The following HS3ST5 variants were observed in gnomAD, a reference collection of about 807,000 sequenced individuals.
The protein encoded by HS3ST5 is heparan sulfate-glucosamine 3-sulfotransferase 5, also known as heparan sulfate glucosamine 3-O-sulfotransferase 5.
A neutral mutation model predicts 25.4 loss-of-function variants in HS3ST5; 10 were observed. That is an observed-to-expected ratio of 0.39 (90% CI 0.24 to 0.67). The LOEUF is 0.67. HS3ST5 is among the 30% of genes least tolerant of loss of function. The probability of loss-of-function intolerance (pLI) is 0.44; values close to 1 mark genes in which losing one functional copy is unlikely to be tolerated. For synonymous variants in HS3ST5, 170 were observed against 162.4 expected (o/e 1.05, Z -0.36); for missense variants, 324 against 420.7 (o/e 0.77, Z 2.01).
chr6:114,170,365 G>C (rs1779420712), intron 2 of HS3ST5, among the ~76,000 whole-genome samples: 1 of 151,950 alleles, frequency 6.6e-6, no homozygotes, highest in South Asian at 2.1e-4. Context: ...AAGTTGTAAT[G>C]TAATTTTTTA....
chr6:114,235,282 T>C (rs1771800883), intron 1 of HS3ST5, among the ~76,000 whole-genome samples: 1 of 152,166 alleles, frequency 6.6e-6, no homozygotes, highest in African/African-American at 2.4e-5. Flanking sequence ...AGATTTAGAA[T>C]ACGCTATGAT....
intron 1 of HS3ST5, among the ~76,000 whole-genome samples, chr6:114,229,253 A>G (rs1469414714): frequency 6.6e-6 from 1 of 152,212 alleles, no homozygotes; most frequent in East Asian, 1.9e-4. Context: ...TAAACAAGAA[A>G]ATATTCTTTT....
At chr6:114,214,954 G>A (rs1781682078) in intron 2 of HS3ST5, among the ~76,000 whole-genome samples, 1 of 152,154 alleles carries the variant, frequency 6.6e-6, no homozygotes. Flanking sequence ...AGACTGCTGA[G>A]ATAGAGTAAT....
chr6:114,232,130 C>T (rs376733539), intron 1 of HS3ST5, among the ~76,000 whole-genome samples: 38 of 152,178 alleles, frequency 2.5e-4, no homozygotes, highest in South Asian at 1.5e-3. Context: ...ACTCATCTCT[C>T]GTATTATCCA....
intron 3 of HS3ST5, among the ~76,000 whole-genome samples, chr6:114,067,106 C>T (rs1216233419): frequency 2.0e-5 from 3 of 151,996 alleles, no homozygotes; most frequent in Non-Finnish European, 4.4e-5. Context: ...CCTGGGATAT[C>T]TTTCCTATGT....
At chr6:114,329,680 T>C (rs1776312100) in intron 1 of HS3ST5, among the ~76,000 whole-genome samples, 1 of 152,146 alleles carries the variant, frequency 6.6e-6, no homozygotes. Flanking sequence ...GGCGCACAAG[T>C]AGCTTTTACC....
chr6:114,335,489 T>C (rs910404905), intron 1 of HS3ST5, among the ~76,000 whole-genome samples: 1 of 152,082 alleles, frequency 6.6e-6, no homozygotes, highest in African/African-American at 2.4e-5. Context: ...ATATCAGATA[T>C]AAAGACAAAT....
At chr6:114,328,776 G>C (rs565132695) in intron 1 of HS3ST5, among the ~76,000 whole-genome samples, 1 of 152,262 alleles carries the variant, frequency 6.6e-6, no homozygotes, top group African/African-American at 2.4e-5. Flanking sequence ...CTATTTTAGG[G>C]AACTCTACTT....
intron 3 of HS3ST5, among the ~76,000 whole-genome samples, chr6:114,122,522 A>G (rs985263565): frequency 6.6e-6 from 1 of 152,194 alleles, no homozygotes; most frequent in African/African-American, 2.4e-5. Context: ...AGGGTGGTAG[A>G]TTACATTTAG....
chr6:114,282,134 A>T (rs1774140994), intron 1 of HS3ST5: 1 of 152,000 alleles, frequency 6.6e-6, no homozygotes, highest in African/African-American at 2.4e-5. Flanking sequence ...AATATTTGGA[A>T]ACCTGTAAGT....
chr6:114,065,326 C>A (rs896981573), intron 3 of HS3ST5, among the ~76,000 whole-genome samples: 1 of 152,244 alleles, frequency 6.6e-6, no homozygotes, highest in Non-Finnish European at 1.5e-5. Flanking sequence ...GAACCAATCT[C>A]CTGTCTACAG....
At chr6:114,277,976 C>G (rs557905263) in intron 1 of HS3ST5, among the ~76,000 whole-genome samples, 1 of 151,896 alleles carries the variant, frequency 6.6e-6, no homozygotes, top group Non-Finnish European at 1.5e-5. Context: ...TCACTGATGA[C>G]AAAGCTCTGT....
intron 2 of HS3ST5, among the ~76,000 whole-genome samples, chr6:114,181,874 G>C (rs1200112999): frequency 7.4e-6 from 1 of 134,544 alleles, no homozygotes; most frequent in Admixed American, 8.0e-5. Flanking sequence ...GGAAGTGTGT[G>C]TATGTGAGTA....
At chr6:114,310,585 A>G (rs1056920869) in intron 1 of HS3ST5, among the ~76,000 whole-genome samples, 2 of 151,076 alleles carry the variant, frequency 1.3e-5, no homozygotes, top group Non-Finnish European at 2.9e-5. Context: ...GGCCTTTTGC[A>G]TCTAGGTAGA....
At chr6:114,303,996 G>C (rs896424199) in intron 1 of HS3ST5, among the ~76,000 whole-genome samples, 4 of 152,096 alleles carry the variant, frequency 2.6e-5, no homozygotes, top group African/African-American at 9.7e-5. Flanking sequence ...GGACCTCAGA[G>C]AAGAGAACTA....
chr6:114,330,437 G>C (rs1487853708), intron 1 of HS3ST5, among the ~76,000 whole-genome samples: 1 of 152,158 alleles, frequency 6.6e-6, no homozygotes, highest in Non-Finnish European at 1.5e-5. Context: ...ATGATATTGA[G>C]TTACTGTCAT....
chr6:114,097,418 T>C (rs1775490476), intron 3 of HS3ST5, among the ~76,000 whole-genome samples: 1 of 151,954 alleles, frequency 6.6e-6, no homozygotes, highest in Non-Finnish European at 1.5e-5. Context: ...TTAAAACATA[T>C]TAAAACAAAA....
chr6:114,147,677 C>T (rs531443254), intron 3 of HS3ST5, among the ~76,000 whole-genome samples: 4 of 152,216 alleles, frequency 2.6e-5, no homozygotes. Context: ...GCCTCCTAGG[C>T]TCAAGTGATC....
At chr6:114,174,355 C>CCCACCAGAG (rs1368413559) in intron 2 of HS3ST5, among the ~76,000 whole-genome samples, 2 of 152,008 alleles carry the variant, frequency 1.3e-5, no homozygotes, top group African/African-American at 4.8e-5. Context: ...CTTTACTGGC[C>CCCACCAGAG]TGTACCCCCA....
Sources: allele counts gnomAD v4.1 joint callset (sites outside exome capture counted in the v4.1 genomes callset), GRCh38; gene constraint gnomAD v4.1.1; transcripts MANE v1.5; gene names NCBI Gene and HGNC (gene_info 2026-07-23, HGNC 2026-07-21).